DERL3: variants seen among roughly 807,000 people sequenced by gnomAD.
DERL3 encodes the protein derlin-3.
Under a neutral mutation model 23.8 loss-of-function variants are expected in DERL3, and 20 were observed. That is an observed-to-expected ratio of 0.84 (90% confidence interval 0.59 to 1.22). DERL3 has a LOEUF of 1.22. Among genes scored for constraint, DERL3 ranks in the 50% most tolerant of loss-of-function variants. DERL3 has a pLI of 0.00. For synonymous variants in DERL3, 145 were observed against 132.5 expected, an observed-to-expected ratio of 1.09 and a Z score of -0.65; for missense variants, 319 against 304.1, an observed-to-expected ratio of 1.05 and a Z score of -0.36.
rs2030892051 is a variant in DERL3, at chr22:23,834,668, G to A, written c.*2201C>T. On this transcript the variant is annotated 3_prime_UTR_variant, in exon 7 of 7. Transcript: ENST00000318109. Reference sequence around the variant, plus strand: ...CTCAGATTCCCAAGTGGGCAGGTGGGGGTGAATGGGGCTCCGGGTAGCACC... The same window carrying A: ...CTCAGATTCCCAAGTGGGCAGGTGGAGGTGAATGGGGCTCCGGGTAGCACC... 1 of 1,050,378 alleles carries A rather than the reference G, an allele frequency of 9.5e-7. No individual in the cohort carries two copies. The highest frequency in any genetic ancestry group is 1.6e-5 in the South Asian group (1 of 62,984). The allele number at this position is 1,050,378 out of a possible 1,614,324, so 65.1% of individuals were successfully genotyped here.
At position 23,835,782 on chromosome 22, in the gene DERL3, G is replaced by A; in HGVS notation, c.*1087C>T. On this transcript the variant is annotated 3_prime_UTR_variant, in exon 7 of 7. Coordinates refer to ENST00000318109, the MANE Select transcript of DERL3 (RefSeq NM_001002862.3). ...GGCAGCCCTGTGTCTCCACAACTGG[G>A]GGGATGGAAGGAACCTTGGCTGCCT... is the stretch of plus-strand genomic sequence containing the variant. The A allele has an allele frequency of 4.1e-6, 4 of 985,474 alleles. No homozygotes were observed. Among genetic ancestry groups the A allele is most frequent in the Non-Finnish European group, 4.8e-6 (4 of 829,930 alleles). 61.0% of individuals were successfully genotyped at this position (985,474 alleles called of 1,614,324 possible). A position where few individuals can be genotyped will look rare whatever the true frequency, so the allele number is the denominator to read the frequency against.
At chr22:23,838,238 G>C in intron 4 of DERL3, 114 bp downstream of exon 4, 1 of 1,550,616 alleles carries the variant, frequency 6.4e-7, no homozygotes, top group South Asian at 1.2e-5. Context: ...CACATACTAA[G>C]CTGGAGACAG....
chr22:23,837,779 G>C lies in DERL3; in HGVS notation c.403C>G (p.Arg135Gly), dbSNP rs548677946. The change falls in exon 5 of 7, where the codon CGC (arginine) becomes GGC (glycine). Residue 135 changes from arginine to glycine, a missense_variant. Physicochemically the swap from Arg to Gly is moderately radical, Grantham distance 125. Transcript: ENST00000318109. ...AAGTTGACCCTCACCCGAGGGCTGC[G>C]GCGGCTCCACACGTACACCAGCATG... is the stretch of plus-strand genomic sequence containing the variant. ...MAMLVYVWSR[R>G]SPRVRVNFFG... 6.2e-7 allele frequency: 1 copy of C among 1,613,784 alleles called. No individual in the cohort carries two copies. The highest frequency in any genetic ancestry group is 1.3e-5 in the African/African-American group (1 of 74,906).
Position 23,834,853 on chromosome 22 carries a change from C to G in DERL3, c.*2016G>C. The stretch of plus-strand genomic sequence containing the variant: ...CAGGAAGGTGCCGCGAGCTCTCCTG[C>G]CGTCCCTGGGCCGCCCTGGCTCTGC... On this transcript the variant is annotated 3_prime_UTR_variant, in exon 7 of 7. Transcript: ENST00000318109. 6 of 1,612,488 alleles carry G rather than the reference C, an allele frequency of 3.7e-6. No individual in the cohort carries two copies. Among genetic ancestry groups the G allele is most frequent in the Non-Finnish European group, 5.1e-6 (6 of 1,179,724 alleles).
chr22:23,836,291 T>C lies in DERL3; in HGVS notation c.*578A>G. 1.0e-6 allele frequency: 1 copy of C among 985,452 alleles called. No homozygotes were observed. The highest frequency in any genetic ancestry group is 1.2e-6 in the Non-Finnish European group (1 of 829,936). 61.0% of individuals were successfully genotyped at this position (985,452 alleles called of 1,614,324 possible). A position where few individuals can be genotyped will look rare whatever the true frequency, so the allele number is the denominator to read the frequency against. On this transcript the variant is annotated 3_prime_UTR_variant, in exon 7 of 7. Transcript: ENST00000318109. ...GCATCACCAGATGAAAAATGAGGCA[T>C]ACGCCCACCTGTCAGGGTGGCTGAT... is the stretch of plus-strand genomic sequence containing the variant.
In DERL3 at chr22:23,834,956, G is replaced by T; in HGVS notation, c.*1913C>A. The T allele has an allele frequency of 6.4e-7, 1 of 1,568,556 alleles. No homozygotes were observed. Among genetic ancestry groups the T allele is most frequent in the African/African-American group, 1.4e-5 (1 of 73,612 alleles). Reference sequence around the variant, plus strand: ...CCCTGCGGAGGGCCCAGTCCTGTGTGGGCACTGCTGGGCTGTCGCCAGCCT... The same window carrying T: ...CCCTGCGGAGGGCCCAGTCCTGTGTTGGCACTGCTGGGCTGTCGCCAGCCT... On this transcript the variant is annotated 3_prime_UTR_variant, in exon 7 of 7. Transcript: ENST00000318109.
intron 4 of DERL3, 181 bp downstream of exon 4, chr22:23,838,171 T>C (rs1357461372): frequency 4.5e-6 from 7 of 1,542,880 alleles, no homozygotes; most frequent in Non-Finnish European, 6.1e-6. Flanking sequence ...GTATTTTGCA[T>C]ACAGCACTGA....
Position 23,836,859 on chromosome 22 carries a change from T to C in DERL3, c.*10A>G, listed in dbSNP as rs746452240. On this transcript the variant is annotated 3_prime_UTR_variant, in exon 7 of 7. Coordinates refer to ENST00000318109, the MANE Select transcript of DERL3 (RefSeq NM_001002862.3). ...GCCAGAAGCCTCTTAGGCCTGGCCC[T>C]GGGTGGGGGTCACTGCTGCGGGGGT... is the stretch of plus-strand genomic sequence containing the variant. 17 of 1,452,718 alleles carry C rather than the reference T, an allele frequency of 1.2e-5. No homozygotes were observed. Among genetic ancestry groups the C allele is most frequent in the Non-Finnish European group, 1.5e-5 (17 of 1,101,654 alleles). 90.0% of individuals were successfully genotyped at this position (1,452,718 alleles called of 1,614,324 possible). A position where few individuals can be genotyped will look rare whatever the true frequency, so the allele number is the denominator to read the frequency against.
In DERL3 at chr22:23,838,992, C is replaced by A; in HGVS notation, c.-5G>T. ...CGCTAGTCCCTGCCACGCCATTGAA[C>A]CTTCTCAAGCACGCGTGGCCCAGCC... On this transcript the variant is annotated 5_prime_UTR_variant, in exon 1 of 7. Coordinates refer to ENST00000318109, the MANE Select transcript of DERL3 (RefSeq NM_001002862.3). 6.4e-7 allele frequency: 1 copy of A among 1,567,196 alleles called. No homozygotes were observed.
Position 23,834,922 on chromosome 22 carries a change from T to TC in DERL3, c.*1946dup, listed in dbSNP as rs1761090102. Reference sequence around the variant, plus strand: ...CTACTGCCAGCTGGGGCCTTGCTGCTCTGAAGTCCCCTGCGGAGGGCCCAG... The same window carrying TC: ...CTACTGCCAGCTGGGGCCTTGCTGCTCCTGAAGTCCCCTGCGGAGGGCCCAG... On this transcript the variant is annotated 3_prime_UTR_variant, in exon 7 of 7. Transcript: ENST00000318109. 1.2e-6 allele frequency: 2 copies of TC among 1,609,796 alleles called. No homozygotes were observed. The highest frequency in any genetic ancestry group is 2.7e-5 in the African/African-American group (2 of 74,898).
rs2031098623 is a variant in DERL3 at position 23,836,963 on chromosome 22, C to T, written c.615-1G>A. On this transcript the variant is annotated splice_acceptor_variant, in intron 6 of 6. Transcript: ENST00000318109. LOFTEE classifies it high-confidence loss of function. ...TGCAGGGGCATCCAGGAGCAGCTTTCTGTGGGGAGGGGCCCGTGTTGAGCA... is the reference window on the plus strand; with the variant it reads ...TGCAGGGGCATCCAGGAGCAGCTTTTTGTGGGGAGGGGCCCGTGTTGAGCA... The T allele has an allele frequency of 2.5e-6, 4 of 1,598,754 alleles. No homozygotes were observed. The highest frequency in any genetic ancestry group is 3.4e-6 in the Non-Finnish European group (4 of 1,173,116).
chr22:23,836,344 C>A lies in DERL3; in HGVS notation c.*525G>T, dbSNP rs973424494. The A allele has an allele frequency of 1.3e-5, 13 of 985,562 alleles. No homozygotes were observed. Among genetic ancestry groups the A allele is most frequent in the East Asian group, 2.3e-4 (2 of 8,820 alleles). 61.1% of individuals were successfully genotyped at this position (985,562 alleles called of 1,614,324 possible). A position where few individuals can be genotyped will look rare whatever the true frequency, so the allele number is the denominator to read the frequency against. On this transcript the variant is annotated 3_prime_UTR_variant, in exon 7 of 7. Coordinates refer to ENST00000318109, the MANE Select transcript of DERL3 (RefSeq NM_001002862.3). Reference sequence around the variant, plus strand: ...GAGACAGGAGAGGCTAGATTGGCATCAGCCTGAAGGCACCACTGGCAGGAA... The same window carrying A: ...GAGACAGGAGAGGCTAGATTGGCATAAGCCTGAAGGCACCACTGGCAGGAA...
rs1293840647 is a variant in DERL3, at chr22:23,835,270, T to A, written c.*1599A>T. 9.1e-7 allele frequency: 1 copy of A among 1,094,536 alleles called. No homozygotes were observed. Among genetic ancestry groups the A allele is most frequent in the Non-Finnish European group, 1.1e-6 (1 of 900,716 alleles). The allele number at this position is 1,094,536 out of a possible 1,614,324, so 67.8% of individuals were successfully genotyped here. A position where few individuals can be genotyped will look rare whatever the true frequency, so the allele number is the denominator to read the frequency against. On this transcript the variant is annotated 3_prime_UTR_variant, in exon 7 of 7. Transcript: ENST00000318109. ...CCCATTCTTCAGAATGGACACAGGA[T>A]CTGGGAGGGCAGCAAACTGGCTCGC...
Position 23,838,396 on chromosome 22 carries a change from C to G in DERL3, c.283G>C (p.Ala95Pro). 3.7e-6 allele frequency: 6 copies of G among 1,609,950 alleles called. No homozygotes were observed. The highest frequency in any genetic ancestry group is 5.1e-6 in the Non-Finnish European group (6 of 1,178,180). The change falls in exon 4 of 7, where the codon GCC (alanine) becomes CCC (proline). Residue 95 changes from alanine to proline, a missense_variant. Coordinates refer to ENST00000318109, the MANE Select transcript of DERL3 (RefSeq NM_001002862.3). The part of the protein sequence containing the change: ...LEEGSFRGRT[A>P]DFVFMFLFGG... ...AAGAGAAACATGAAGACGAAGTCGGCCGTGCGGCCGCGGAAGGAGCCCTCT... is the reference window on the plus strand; with the variant it reads ...AAGAGAAACATGAAGACGAAGTCGGGCGTGCGGCCGCGGAAGGAGCCCTCT...
chr22:23,835,050 C>G lies in DERL3; in HGVS notation c.*1819G>C. 4 of 1,403,526 alleles carry G rather than the reference C, an allele frequency of 2.8e-6. No homozygotes were observed. The highest frequency in any genetic ancestry group is 3.7e-6 in the Non-Finnish European group (4 of 1,081,190). 86.9% of individuals were successfully genotyped at this position (1,403,526 alleles called of 1,614,324 possible). ...GGTCAGCTGGGGCCCTTTCCCACCC[C>G]AGCAGGTGCTGTGGCCTGGGCCAGC... On this transcript the variant is annotated 3_prime_UTR_variant, in exon 7 of 7. Coordinates refer to ENST00000318109, the MANE Select transcript of DERL3 (RefSeq NM_001002862.3).
intron 4 of DERL3, chr22:23,838,059 C>T (rs927130912): frequency 5.7e-5 from 82 of 1,445,792 alleles, no homozygotes; most frequent in Non-Finnish European, 7.2e-5. Context: ...CATCCCAGGG[C>T]CCAACCACTG....
Position 23,835,294 on chromosome 22 carries a change from GCAGCT to G in DERL3, c.*1570_*1574del. On this transcript the variant is annotated 3_prime_UTR_variant, in exon 7 of 7. Transcript: ENST00000318109. ...ATCTGGGAGGGCAGCAAACTGGCTC[GCAGCT>G]CCAGCCTTACTGAAGAGAATGGGCA... The G allele has an allele frequency of 5.7e-6, 6 of 1,050,416 alleles. No individual in the cohort carries two copies. The highest frequency in any genetic ancestry group is 6.9e-6 in the Non-Finnish European group (6 of 872,672). The allele number at this position is 1,050,416 out of a possible 1,614,324, so 65.1% of individuals were successfully genotyped here.
Position 23,834,893 on chromosome 22 carries a change from C to A in DERL3, c.*1976G>T. Reference sequence around the variant, plus strand: ...CCTGGCTCTGCTGTGTCCAGATGGTCAGGCTACTGCCAGCTGGGGCCTTGC... The same window carrying A: ...CCTGGCTCTGCTGTGTCCAGATGGTAAGGCTACTGCCAGCTGGGGCCTTGC... On this transcript the variant is annotated 3_prime_UTR_variant, in exon 7 of 7. Transcript: ENST00000318109. 1 of 1,612,116 alleles carries A rather than the reference C, an allele frequency of 6.2e-7. No homozygotes were observed. The highest frequency in any genetic ancestry group is 8.5e-7 in the Non-Finnish European group (1 of 1,179,702).
chr22:23,836,620 C>T lies in DERL3; in HGVS notation c.*249G>A. 1 of 1,226,150 alleles carries T rather than the reference C, an allele frequency of 8.2e-7. No individual in the cohort carries two copies. Among genetic ancestry groups the T allele is most frequent in the Non-Finnish European group, 1.0e-6 (1 of 986,546 alleles). 76.0% of individuals were successfully genotyped at this position (1,226,150 alleles called of 1,614,324 possible). A position where few individuals can be genotyped will look rare whatever the true frequency, so the allele number is the denominator to read the frequency against. On this transcript the variant is annotated 3_prime_UTR_variant, in exon 7 of 7. Transcript: ENST00000318109. ...GCAGTTTCTTTGCCCTCTGTGGGCA[C>T]CCCTATCCTACCACCTGCAGTTGGG...
Sources: allele counts gnomAD v4.1 joint callset, GRCh38; gene constraint gnomAD v4.1.1; transcripts MANE v1.5; gene names NCBI Gene and HGNC (gene_info 2026-07-23, HGNC 2026-07-21).